TUSC3: variants seen among roughly 807,000 people sequenced by gnomAD.
TUSC3 encodes dolichyl-diphosphooligosaccharide--protein glycosyltransferase subunit TUSC3.
In TUSC3, 45 loss-of-function variants were observed where a neutral mutation model predicts 44.8. The ratio of observed to expected loss-of-function variants is 1.00; its 90% CI spans 0.79 to 1.29. The LOEUF (loss-of-function observed/expected upper bound fraction) is 1.29, where lower values mean the gene tolerates loss of function less well. Among genes scored for constraint, TUSC3 ranks in the 50% most tolerant of loss-of-function variants. The pLI is 0.00. For synonymous variants in TUSC3, 212 were observed against 152.9 expected (o/e 1.39, Z -2.85); for missense variants, 519 against 437.9 (o/e 1.19, Z -1.65).
chr8:15,764,290 AATTC>A lies in TUSC3; in HGVS notation c.*142_*145del. ...CTGTTCCTGACTTTATACTATTTTG[AATTC>A]ATTCATTTCATTGTGATCAGCTAGC... On this transcript the variant is annotated 3_prime_UTR_variant, in exon 11 of 11. Transcript: ENST00000503731. The A allele has an allele frequency of 6.7e-7, 1 of 1,499,376 alleles. No individual in the cohort carries two copies. The highest frequency in any genetic ancestry group is 2.3e-5 in the East Asian group (1 of 43,730). 92.9% of individuals were successfully genotyped at this position (1,499,376 alleles called of 1,614,324 possible). A position where few individuals can be genotyped will look rare whatever the true frequency, so the allele number is the denominator to read the frequency against.
intron 6 of TUSC3, among the ~76,000 whole-genome samples, chr8:15,726,872 G>A (rs912499050): frequency 6.6e-6 from 1 of 152,046 alleles, no homozygotes; most frequent in African/African-American, 2.4e-5. Context: ...TTATATTAAT[G>A]GTTTCTCAAA....
the TUSC3 span, among the ~76,000 whole-genome samples, chr8:15,840,882 G>A: frequency 2.0e-5 from 3 of 152,142 alleles, no homozygotes; most frequent in Non-Finnish European, 4.4e-5. Flanking sequence ...AGTAAAGTCA[G>A]TAATTTAATG....
intron 1 of TUSC3, among the ~76,000 whole-genome samples, chr8:15,578,995 C>G (rs1473795243): frequency 6.6e-6 from 1 of 151,904 alleles, no homozygotes; most frequent in Non-Finnish European, 1.5e-5. Context: ...AATTTCAGCT[C>G]CTGTTATTGG....
the TUSC3 span, among the ~76,000 whole-genome samples, chr8:15,792,373 A>G: frequency 6.6e-6 from 1 of 152,176 alleles, no homozygotes; most frequent in African/African-American, 2.4e-5. Flanking sequence ...CTGAGTGGCC[A>G]CTTTCGAGTG....
the TUSC3 span, among the ~76,000 whole-genome samples, chr8:15,828,692 A>T: frequency 3.3e-5 from 5 of 152,358 alleles, no homozygotes; most frequent in African/African-American, 9.6e-5. Context: ...ATTGTAAATA[A>T]TATCTAATAT....
At chr8:15,824,028 T>C in the TUSC3 span, among the ~76,000 whole-genome samples, 7 of 152,312 alleles carry the variant, frequency 4.6e-5, no homozygotes, top group East Asian at 1.4e-3. Context: ...TCAAAAAATT[T>C]TTTAAATTTT....
chr8:15,503,844 A>G (rs1218245325), intron 2 of TUSC3, among the ~76,000 whole-genome samples: 4 of 151,916 alleles, frequency 2.6e-5, no homozygotes, highest in African/African-American at 9.7e-5. Flanking sequence ...TCTACTAAAA[A>G]TACAAAAATG....
At chr8:15,602,822 C>A (rs1804348051) in intron 1 of TUSC3, among the ~76,000 whole-genome samples, 1 of 150,964 alleles carries the variant, frequency 6.6e-6, no homozygotes. Context: ...TAATTGTATT[C>A]CTTTTATACA....
the TUSC3 span, among the ~76,000 whole-genome samples, chr8:15,783,866 GA>G: frequency 6.6e-6 from 1 of 152,140 alleles, no homozygotes; most frequent in Non-Finnish European, 1.5e-5. Flanking sequence ...GGGATTACGT[GA>G]AACAAAATCT....
intron 1 of TUSC3, among the ~76,000 whole-genome samples, chr8:15,617,145 T>A (rs1266158616): frequency 1.4e-5 from 2 of 145,812 alleles, no homozygotes; most frequent in African/African-American, 2.5e-5. Flanking sequence ...TATATTTTTT[T>A]TTTTTTTTTT....
intron 1 of TUSC3, among the ~76,000 whole-genome samples, chr8:15,562,626 G>A (rs1434752313): frequency 1.3e-5 from 2 of 152,050 alleles, no homozygotes; most frequent in Admixed American, 1.3e-4. Context: ...GAATCTCTGG[G>A]TCCTCTTCTC....
intron 1 of TUSC3, among the ~76,000 whole-genome samples, chr8:15,419,072 A>T (rs1430117627): frequency 6.6e-6 from 1 of 152,212 alleles, no homozygotes; most frequent in Non-Finnish European, 1.5e-5. Context: ...TGTGGGCACC[A>T]TATTACAATG....
At chr8:15,506,267 C>T (rs1299642485) in intron 2 of TUSC3, among the ~76,000 whole-genome samples, 1 of 152,170 alleles carries the variant, frequency 6.6e-6, no homozygotes, top group East Asian at 1.9e-4. Context: ...GTCCCACTCT[C>T]CCCTGAGGCT....
rs59838929 is a variant in TUSC3, at chr8:15,692,375, G to GTTTTTTTTTTTT, written c.798+18552_798+18563dup. Among the ~76,000 whole-genome samples the GTTTTTTTTTTTT allele has an allele frequency of 5.3e-4, 36 of 68,340 alleles. 1 individual carries two copies. Among genetic ancestry groups the GTTTTTTTTTTTT allele is most frequent in the Non-Finnish European group, 5.9e-4 (23 of 39,168 alleles). 44.8% of individuals were successfully genotyped at this position (68,340 alleles called of 152,430 possible). ...GGAGGAGACCCCCCCCCCCCCCTTT[G>GTTTTTTTTTTTT]TTTTTTTTTTTTTTTTTTTTTTTTG... is the stretch of plus-strand genomic sequence containing the variant. On this transcript the variant is annotated intron_variant, in intron 6 of 10. Coordinates refer to ENST00000503731, the MANE Select transcript of TUSC3 (RefSeq NM_006765.4).
In TUSC3 at chr8:15,649,055, A is replaced by T. The variant is rs1283775222; in HGVS notation, c.309-1642A>T. On this transcript the variant is annotated intron_variant, in intron 2 of 10. Transcript: ENST00000503731. The stretch of plus-strand genomic sequence containing the variant: ...TGTGGTAAAATCTCAGATCCTGCAC[A>T]GTTCTTGATAAATACAATATCTTTT... Among the ~76,000 whole-genome samples the T allele has an allele frequency of 2.0e-5, 3 of 152,322 alleles. No homozygotes were observed. The East Asian group carries it at 5.8e-4, about 29-fold the overall frequency.
chr8:15,470,283 T>C (rs1585056722), intron 1 of TUSC3, among the ~76,000 whole-genome samples: 1 of 146,820 alleles, frequency 6.8e-6, no homozygotes. Flanking sequence ...AAAGCATTGG[T>C]TGCCAAGGGT....
At chr8:15,806,733 C>A in the TUSC3 span, 12 of 791,890 alleles carry the variant, frequency 1.5e-5, no homozygotes, top group East Asian at 1.2e-4. Context: ...GCCAGAGAGG[C>A]TTTCACATGC....
At chr8:15,461,081 T>C (rs985746430) in intron 1 of TUSC3, among the ~76,000 whole-genome samples, 5 of 152,214 alleles carry the variant, frequency 3.3e-5, no homozygotes, top group African/African-American at 1.2e-4. Context: ...GGTGGTATTT[T>C]GATGGGGATT....
At chr8:15,594,035 C>A (rs967170387) in intron 1 of TUSC3, among the ~76,000 whole-genome samples, 6 of 152,298 alleles carry the variant, frequency 3.9e-5, no homozygotes, top group African/African-American at 1.4e-4. Context: ...TTTATGTATC[C>A]TTTCTCCCCA....
Sources: allele counts gnomAD v4.1 joint callset (sites outside exome capture counted in the v4.1 genomes callset), GRCh38; gene constraint gnomAD v4.1.1; transcripts MANE v1.5; gene names NCBI Gene and HGNC (gene_info 2026-07-23, HGNC 2026-07-21).